The following ZNF765 variants were observed in gnomAD, a reference collection of about 807,000 sequenced individuals.
ZNF765 encodes the protein zinc finger protein 765.
Under a neutral mutation model 44.7 loss-of-function variants are expected in ZNF765, and 37 were observed. The ratio of observed to expected loss-of-function variants is 0.83; its 90% confidence interval spans 0.64 to 1.09. The LOEUF (loss-of-function observed/expected upper bound fraction) is 1.09, where lower values mean the gene tolerates loss of function less well. ZNF765 is among the 50% of genes least tolerant of loss of function. ZNF765 has a pLI of 0.00. For missense variants in ZNF765, 594 were observed against 626.1 expected (o/e 0.95, Z 0.55); for synonymous variants, 201 against 213.7 (o/e 0.94, Z 0.52).
intron 3 of ZNF765, among the ~76,000 whole-genome samples, chr19:53,420,931 C>G (rs1332843545): frequency 6.6e-6 from 1 of 152,086 alleles, no homozygotes; most frequent in African/African-American, 2.4e-5. Flanking sequence ...GACCCCTACC[C>G]CGACACCCAT....
At chr19:53,414,256 A>AAAAC (rs1265300820), downstream of ZNF765, among the ~76,000 whole-genome samples, 1 of 145,024 alleles carries the variant, frequency 6.9e-6, no homozygotes, top group African/African-American at 2.7e-5. Context: ...AAAAAAAAAG[A>AAAAC]AACTTGCAGC....
downstream of ZNF765, among the ~76,000 whole-genome samples, chr19:53,416,155 T>C (rs2085873855): frequency 1.3e-5 from 2 of 152,326 alleles, no homozygotes; most frequent in South Asian, 2.1e-4. Flanking sequence ...GGTTTCACCA[T>C]GTTGGCCAGG....
At chr19:53,414,066 T>C (rs1036933598), downstream of ZNF765, among the ~76,000 whole-genome samples, 2 of 150,738 alleles carry the variant, frequency 1.3e-5, no homozygotes, top group African/African-American at 4.9e-5. Flanking sequence ...CATGGAGATA[T>C]CCCGTCTCTA....
chr19:53,398,270 A>G (rs1243721159), intron 2 of ZNF765, among the ~76,000 whole-genome samples: 1 of 152,126 alleles, frequency 6.6e-6, no homozygotes, highest in Non-Finnish European at 1.5e-5. Context: ...CCAGACATGG[A>G]TGGAGATGGG....
At chr19:53,421,832 C>T (rs1337892327) in intron 3 of ZNF765, among the ~76,000 whole-genome samples, 1 of 152,070 alleles carries the variant, frequency 6.6e-6, no homozygotes, top group Non-Finnish European at 1.5e-5. Context: ...TTAATTTCTA[C>T]CCTACTTTAT....
intron 1 of ZNF765, among the ~76,000 whole-genome samples, chr19:53,397,742 C>G (rs908155591): frequency 2.0e-5 from 3 of 151,930 alleles, no homozygotes; most frequent in African/African-American, 7.2e-5. Flanking sequence ...CCCACCCCAG[C>G]TCCCCACTGC....
intron 2 of ZNF765, chr19:53,401,857 CAG>C: frequency 7.4e-7 from 1 of 1,347,418 alleles, no homozygotes; most frequent in Non-Finnish European, 1.0e-6. Context: ...GGCTGGGCAA[CAG>C]AGTGAGACTC....
chr19:53,412,600 AAAGT>A (rs2085842150), downstream of ZNF765, among the ~76,000 whole-genome samples: 1 of 152,212 alleles, frequency 6.6e-6, no homozygotes, highest in Non-Finnish European at 1.5e-5. Context: ...AGACTCTATC[AAAGT>A]AAAATAAATT....
In ZNF765 at chr19:53,409,909, A is replaced by AT; in HGVS notation, c.*786dup. 1 of 628,952 alleles carries AT rather than the reference A, an allele frequency of 1.6e-6. No individual in the cohort carries two copies. The highest frequency in any genetic ancestry group is 3.1e-6 in the Non-Finnish European group (1 of 324,246). The allele number at this position is 628,952 out of a possible 1,614,324, so 39.0% of individuals were successfully genotyped here. A position where few individuals can be genotyped will look rare whatever the true frequency, so the allele number is the denominator to read the frequency against. On this transcript the variant is annotated 3_prime_UTR_variant, in exon 4 of 4. Transcript: ENST00000396408. ...GAAAAACCTTTCATGGGCAGTCAGC[A>AT]TTTTACAAATGTAATGATTGTCACC...
At position 53,409,226 on chromosome 19, in the gene ZNF765, C is replaced by T. The variant is rs1170312744; in HGVS notation, c.*99C>T. The stretch of plus-strand genomic sequence containing the variant: ...TACAAATATGAAGAACTTGACAAAG[C>T]TTACAATTTCAAATCAAACCTTGAA... On this transcript the variant is annotated 3_prime_UTR_variant, in exon 4 of 4. Transcript: ENST00000396408. 2 of 1,238,370 alleles carry T rather than the reference C, an allele frequency of 1.6e-6. No homozygotes were observed. The highest frequency in any genetic ancestry group is 2.4e-6 in the Non-Finnish European group (2 of 843,214). 76.7% of individuals were successfully genotyped at this position (1,238,370 alleles called of 1,614,324 possible).
chr19:53,418,481 A>G (rs1019563852), intron 3 of ZNF765, among the ~76,000 whole-genome samples: 1 of 152,166 alleles, frequency 6.6e-6, no homozygotes, highest in Non-Finnish European at 1.5e-5. Context: ...CTGCCCTCTC[A>G]TATAATACTG....
chr19:53,401,704 C>T (rs573315557), intron 2 of ZNF765, among the ~76,000 whole-genome samples: 5 of 152,168 alleles, frequency 3.3e-5, no homozygotes, highest in South Asian at 2.1e-4. Flanking sequence ...GGTGAAACCC[C>T]GTTTCTGCTA....
At position 53,409,351 on chromosome 19, in the gene ZNF765, A is replaced by G; in HGVS notation, c.*224A>G. On this transcript the variant is annotated 3_prime_UTR_variant, in exon 4 of 4. Coordinates refer to ENST00000396408, the MANE Select transcript of ZNF765 (RefSeq NM_001040185.3). ...TCTTTTGTGTACCATCATAAACTTC[A>G]TAGTGGAGAGACCTTACAAATGTGA... The G allele has an allele frequency of 1.2e-6, 1 of 841,046 alleles. No homozygotes were observed. Among genetic ancestry groups the G allele is most frequent in the Non-Finnish European group, 2.1e-6 (1 of 484,254 alleles). 52.1% of individuals were successfully genotyped at this position (841,046 alleles called of 1,614,324 possible). A position where few individuals can be genotyped will look rare whatever the true frequency, so the allele number is the denominator to read the frequency against.
chr19:53,409,112 G>T lies in ZNF765; in HGVS notation c.1557G>T (p.Glu519Asp). ...LERHRRIYTGEKLHV is the reference protein window; with the variant it reads ...LERHRRIYTGDKLHV Reference sequence around the variant, plus strand: ...GACATAGGAGAATTTATACTGGAGAGAAACTACACGTGTAATGAGTGTGGT... The same window carrying T: ...GACATAGGAGAATTTATACTGGAGATAAACTACACGTGTAATGAGTGTGGT... Residue 519 changes from glutamate (E) to aspartate (D), a missense_variant, in exon 4 of 4, where the codon GAG becomes GAT. By Grantham distance (45) the Glu-to-Asp change is conservative. Around this residue, in one of 2 missense-constraint regions of ZNF765, gnomAD observed 567 missense variants for 572.6 expected, o/e 0.99. Transcript: ENST00000396408. 6.2e-7 allele frequency: 1 copy of T among 1,612,512 alleles called. No homozygotes were observed. The highest frequency in any genetic ancestry group is 8.5e-7 in the Non-Finnish European group (1 of 1,179,102).
chr19:53,406,251 G>GCC (rs2085775228), intron 3 of ZNF765, among the ~76,000 whole-genome samples: 2 of 151,382 alleles, frequency 1.3e-5, no homozygotes, highest in South Asian at 4.2e-4. Context: ...GGCTACTCTT[G>GCC]AACTCCTCAC....
Position 53,407,806 on chromosome 19 carries a change from A to G in ZNF765, c.251A>G (p.Asp84Gly). ...AGACATGAAAGTCATCACAATGGAGATTTTTGTTTCCAGGATATTGATAAA... is the reference window on the plus strand; with the variant it reads ...AGACATGAAAGTCATCACAATGGAGGTTTTTGTTTCCAGGATATTGATAAA... ...SQRHESHHNGDFCFQDIDKDI... is the reference protein window; with the variant it reads ...SQRHESHHNGGFCFQDIDKDI... The change falls in exon 4 of 4, where the codon GAT becomes GGT. Residue 84 changes from aspartate to glycine, a missense_variant. Transcript: ENST00000396408. The G allele has an allele frequency of 6.2e-7, 1 of 1,613,428 alleles. No homozygotes were observed. The highest frequency in any genetic ancestry group is 1.3e-5 in the African/African-American group (1 of 75,008).
chr19:53,408,223 C>G lies in ZNF765; in HGVS notation c.668C>G (p.Ala223Gly). The G allele has an allele frequency of 1.2e-6, 2 of 1,614,186 alleles. No individual in the cohort carries two copies. Among genetic ancestry groups the G allele is most frequent in the Non-Finnish European group, 1.7e-6 (2 of 1,180,032 alleles). The part of the protein sequence containing the change: ...KSFQCNDSGK[A>G]YNCSSLLRKH... ...TTCCAATGCAATGACAGTGGCAAAG[C>G]CTATAATTGTAGCTCACTCTTAAGG... The change falls in exon 4 of 4, where the codon GCC (alanine) becomes GGC (glycine). Residue 223 changes from alanine (A) to glycine (G), a missense_variant. Physicochemically the swap from Ala to Gly is moderately conservative, Grantham distance 60. Coordinates refer to ENST00000396408, the MANE Select transcript of ZNF765 (RefSeq NM_001040185.3).
chr19:53,427,055 G>A lies in ZNF765; in HGVS notation c.*3953G>A, dbSNP rs569028700. The A allele has an allele frequency of 8.9e-5, 12 of 134,492 alleles. 1 individual carries two copies. Among genetic ancestry groups the A allele is most frequent in the African/African-American group, 3.7e-4 (12 of 32,252 alleles). 8.3% of individuals were successfully genotyped at this position (134,492 alleles called of 1,614,324 possible). On this transcript the variant is annotated 3_prime_UTR_variant, in exon 4 of 4. Transcript: ENST00000594030. The stretch of plus-strand genomic sequence containing the variant: ...TGTCAGGATCTCTAAAACCCTCTCA[G>A]CCGCTGAGAAGTCTGTCTGTCTGTC...
chr19:53,403,889 A>G (rs1257866786), intron 3 of ZNF765, among the ~76,000 whole-genome samples: 2 of 151,010 alleles, frequency 1.3e-5, no homozygotes, highest in Admixed American at 6.6e-5. Flanking sequence ...TGCAAAAGCC[A>G]CTCTTTCTCT....
Sources: gnomAD v4.1 joint callset for allele counts (sites outside exome capture counted in the v4.1 genomes callset) on GRCh38, gnomAD v4.1.1 for gene constraint, gnomAD v4.1.1 regional missense constraint, MANE v1.5 for transcripts, NCBI Gene and HGNC (gene_info 2026-07-23, HGNC 2026-07-21) for gene names.